The following KIF6 variants were observed in gnomAD, a reference collection of about 807,000 sequenced individuals.
The protein encoded by KIF6 is kinesin-like protein KIF6.
Under a neutral mutation model 112.7 loss-of-function variants are expected in KIF6, and 106 were observed. The ratio of observed to expected loss-of-function variants is 0.94; its 90% confidence interval spans 0.80 to 1.11. The LOEUF (loss-of-function observed/expected upper bound fraction) is 1.11, where lower values mean the gene tolerates loss of function less well. Among genes scored for constraint, KIF6 ranks in the 50% least tolerant of loss-of-function variants. The probability of loss-of-function intolerance (pLI) is 0.00; values close to 1 mark genes in which losing one functional copy is unlikely to be tolerated. For missense variants in KIF6, 929 were observed against 964.0 expected, an observed-to-expected ratio of 0.96 and a Z score of 0.48; for synonymous variants, 339 against 339.9, an observed-to-expected ratio of 1.00 and a Z score of 0.03.
chr6:39,347,331 T>C (rs1387610338), intron 19 of KIF6, among the ~76,000 whole-genome samples: 1 of 152,162 alleles, frequency 6.6e-6, no homozygotes, highest in African/African-American at 2.4e-5. Flanking sequence ...CCCTGGGACC[T>C]AGCTTCATGC....
At chr6:39,364,252 G>A (rs1204802157) in intron 16 of KIF6, among the ~76,000 whole-genome samples, 3 of 151,894 alleles carry the variant, frequency 2.0e-5, no homozygotes, top group Admixed American at 2.0e-4. Context: ...AGGGTGGTGT[G>A]GTAGTGGTAT....
chr6:39,483,201 G>A lies in KIF6; in HGVS notation c.1646-52040C>T, dbSNP rs986588974. On this transcript the variant is annotated intron_variant, in intron 13 of 22. Transcript: ENST00000287152. Reference sequence around the variant, plus strand: ...GCTCCCTGCTGATCTTTTGGGGAAAGGGAACAGAATAGACAAAATATAGGC... The same window carrying A: ...GCTCCCTGCTGATCTTTTGGGGAAAAGGAACAGAATAGACAAAATATAGGC... Among the ~76,000 whole-genome samples the A allele has an allele frequency of 2.6e-5, 4 of 152,176 alleles. No homozygotes were observed. The South Asian group carries it at 8.3e-4, about 32-fold the overall frequency.
chr6:39,528,194 A>G (rs770554367), intron 13 of KIF6, among the ~76,000 whole-genome samples: 6 of 152,172 alleles, frequency 3.9e-5, no homozygotes, highest in Admixed American at 1.3e-4. Flanking sequence ...GATTCCATGT[A>G]TAAGTGAGAA....
chr6:39,693,258 G>A (rs773215931), intron 3 of KIF6, among the ~76,000 whole-genome samples: 33 of 152,198 alleles, frequency 2.2e-4, no homozygotes, highest in African/African-American at 7.2e-4. Context: ...AAGTCACAAG[G>A]TCTTCCAGCT....
Position 39,420,002 on chromosome 6 carries a change from A to C in KIF6, c.1756T>G (p.Phe586Val). 1 of 1,610,986 alleles carries C rather than the reference A, an allele frequency of 6.2e-7. No homozygotes were observed. The highest frequency in any genetic ancestry group is 1.1e-5 in the South Asian group (1 of 90,926). ...TCTCCCAGGGCCTTGGCTTCAGAAA[A>C]TCTGGAGGGGAAAAAAATGAAAATT... The part of the protein sequence containing the change: ...DDNKQILKQR[F>V]SEAKALGESI... Residue 586 changes from phenylalanine to valine, a missense_variant and splice_region_variant, in exon 15 of 23, where the codon TTT (phenylalanine) becomes GTT (valine). By Grantham distance (50) the Phe-to-Val change is conservative. Transcript: ENST00000287152.
chr6:39,700,695 G>T (rs1046757564), intron 3 of KIF6, among the ~76,000 whole-genome samples: 6 of 147,586 alleles, frequency 4.1e-5, no homozygotes, highest in African/African-American at 1.5e-4. Flanking sequence ...AGTTTCACAT[G>T]AAAATGGTAT....
intron 5 of KIF6, among the ~76,000 whole-genome samples, chr6:39,632,504 G>A (rs1784409944): frequency 1.3e-5 from 2 of 151,730 alleles, no homozygotes; most frequent in Admixed American, 1.3e-4. Context: ...GTCAACCAGA[G>A]AGCTAGAATT....
chr6:39,707,537 A>C (rs143350280), intron 3 of KIF6, among the ~76,000 whole-genome samples: 2 of 152,286 alleles, frequency 1.3e-5, no homozygotes, highest in African/African-American at 4.8e-5. Flanking sequence ...CCATTCTGTC[A>C]CTTCTCAGGT....
At chr6:39,414,795 T>C (rs1769781562) in intron 15 of KIF6, among the ~76,000 whole-genome samples, 1 of 152,108 alleles carries the variant, frequency 6.6e-6, no homozygotes, top group Non-Finnish European at 1.5e-5. Context: ...CAGGTAAATG[T>C]GAATTTATGG....
At chr6:39,651,879 T>C (rs1437934085) in intron 3 of KIF6, among the ~76,000 whole-genome samples, 1 of 152,074 alleles carries the variant, frequency 6.6e-6, no homozygotes, top group Non-Finnish European at 1.5e-5. Context: ...AGCAGAAAGG[T>C]GTGGCTTGAT....
At chr6:39,357,541 T>C (rs1000174865) in intron 18 of KIF6, among the ~76,000 whole-genome samples, 167 bp from the exon 19 acceptor site, 6 of 151,572 alleles carry the variant, frequency 4.0e-5, no homozygotes, top group Non-Finnish European at 8.8e-5. Context: ...CTCTGCCTTC[T>C]GGGTTCAAGC....
intron 18 of KIF6, among the ~76,000 whole-genome samples, chr6:39,359,847 C>T (rs923491763): frequency 1.3e-5 from 2 of 152,182 alleles, no homozygotes; most frequent in African/African-American, 2.4e-5. Context: ...GATCAGCCTT[C>T]TGAAGTGCTG....
intron 13 of KIF6, among the ~76,000 whole-genome samples, chr6:39,473,565 T>C (rs1448098984): frequency 6.6e-6 from 1 of 152,228 alleles, no homozygotes; most frequent in East Asian, 1.9e-4. Context: ...TGTCTGCTTC[T>C]CCTGACAGAG....
At position 39,332,798 on chromosome 6, in the gene KIF6, C is replaced by CCT. The variant is rs113162608; in HGVS notation, c.*3732_*3733dup. On this transcript the variant is annotated 3_prime_UTR_variant, in exon 23 of 23. Transcript: ENST00000287152. The stretch of plus-strand genomic sequence containing the variant: ...CTCTCTCTTTCTCTCTCTTTTTTCT[C>CCT]CTCTCTCTCTCCTTCTCTCTCTCTC... The CCT allele has an allele frequency of 0.27, 40,210 of 151,586 alleles. 5,447 individuals are homozygous for CCT. Among genetic ancestry groups the CCT allele is most frequent in the East Asian group, 0.46 (2,381 of 5,140 alleles). The allele number at this position is 151,586 out of a possible 1,614,324, so 9.4% of individuals were successfully genotyped here.
chr6:39,545,622 C>T lies in KIF6; in HGVS notation c.1248G>A (p.Ala416=), dbSNP rs748097675. 13 of 1,613,334 alleles carry T rather than the reference C, an allele frequency of 8.1e-6. No homozygotes were observed. The highest frequency in any genetic ancestry group is 6.6e-5 in the South Asian group (6 of 91,036). Residue 416 remains alanine (A), a synonymous_variant, in exon 11 of 23, where the codon GCG becomes GCA. Transcript: ENST00000287152. ...QDSDSRLEVG[A]DMRKVHHCFH... is the part of the protein sequence containing the mutation. ...AACAGTGATGAACTTTACGCATATCCGCGCCAACCTCTAATCTACTGTCTG... is the reference window on the plus strand; with the variant it reads ...AACAGTGATGAACTTTACGCATATCTGCGCCAACCTCTAATCTACTGTCTG...
intron 12 of KIF6, among the ~76,000 whole-genome samples, chr6:39,540,654 G>C (rs552366709): frequency 7.9e-5 from 12 of 152,344 alleles, no homozygotes; most frequent in African/African-American, 2.9e-4. Flanking sequence ...AGCAGAGCGG[G>C]AGGATGGTGA....
chr6:39,717,160 G>T (rs889890112), intron 2 of KIF6, among the ~76,000 whole-genome samples: 1 of 151,924 alleles, frequency 6.6e-6, no homozygotes, highest in Admixed American at 6.6e-5. Context: ...TCTGCTCAAA[G>T]CCCTCCATTG....
intron 13 of KIF6, among the ~76,000 whole-genome samples, chr6:39,534,562 T>A (rs1205721364): frequency 6.6e-6 from 1 of 152,082 alleles, no homozygotes; most frequent in Non-Finnish European, 1.5e-5. Flanking sequence ...TGGGACTATG[T>A]GAAAAGACCA....
intron 1 of KIF6, among the ~76,000 whole-genome samples, chr6:39,724,269 G>C (rs303654): frequency 0.96 from 146,287 of 152,240 alleles, 70,511 homozygotes; most frequent in East Asian, 1. Flanking sequence ...CTAGCTAACA[G>C]GGTGAAACCC....
Sources: allele counts gnomAD v4.1 joint callset (sites outside exome capture counted in the v4.1 genomes callset), GRCh38; gene constraint gnomAD v4.1.1; transcripts MANE v1.5; gene names NCBI Gene and HGNC (gene_info 2026-07-23, HGNC 2026-07-21).